Variants in FYN observed in about 807,000 individuals in gnomAD.
FYN encodes FYN proto-oncogene, Src family tyrosine kinase.
Under a neutral mutation model 70.2 loss-of-function variants are expected in FYN, and 10 were observed. That is an observed-to-expected ratio of 0.14 (90% CI 0.09 to 0.24). The LOEUF is 0.24. Among genes scored for constraint, FYN ranks in the 10% least tolerant of loss-of-function variants. The pLI, the probability that FYN is intolerant of heterozygous loss-of-function variation, is 1.00. For synonymous variants in FYN, 236 were observed against 248.6 expected (o/e 0.95, Z 0.48); for missense variants, 319 against 673.1 (o/e 0.47, Z 5.82).
At chr6:111,854,020 T>G (rs1433325207) in intron 1 of FYN, among the ~76,000 whole-genome samples, 1 of 152,190 alleles carries the variant, frequency 6.6e-6, no homozygotes, top group Non-Finnish European at 1.5e-5. Flanking sequence ...GTCCTTCCCT[T>G]TGTCTGCAAA....
chr6:111,670,187 C>A (rs1798201293), intron 13 of FYN, among the ~76,000 whole-genome samples: 1 of 152,200 alleles, frequency 6.6e-6, no homozygotes, highest in African/African-American at 2.4e-5. Flanking sequence ...GCTAGAAAGG[C>A]CTTATCTGAT....
chr6:111,837,419 T>C (rs935043943), intron 2 of FYN, among the ~76,000 whole-genome samples: 52 of 152,188 alleles, frequency 3.4e-4, no homozygotes, highest in Non-Finnish European at 2.9e-4. Flanking sequence ...ACAAAGGTTT[T>C]GTCTTCAATT....
At chr6:111,702,705 A>T in intron 8 of FYN, 180 bp downstream of exon 8, 1 of 473,090 alleles carries the variant, frequency 2.1e-6, no homozygotes. Context: ...TAATAACAAC[A>T]GTAGAACAAT....
At chr6:111,866,313 C>T (rs576154551) in intron 1 of FYN, among the ~76,000 whole-genome samples, 10 of 152,244 alleles carry the variant, frequency 6.6e-5, no homozygotes, top group African/African-American at 1.4e-4. Context: ...GGGTCAAACC[C>T]GGACCCTACC....
At chr6:111,692,657 C>T (rs1251221543) in intron 12 of FYN, among the ~76,000 whole-genome samples, 1 of 152,164 alleles carries the variant, frequency 6.6e-6, no homozygotes, top group Non-Finnish European at 1.5e-5. Context: ...GGGAAAAACT[C>T]GACTCACACA....
At chr6:111,783,038 G>A (rs1015214954) in intron 2 of FYN, among the ~76,000 whole-genome samples, 2 of 152,148 alleles carry the variant, frequency 1.3e-5, no homozygotes, top group African/African-American at 2.4e-5. Context: ...TGCTAAGCAC[G>A]CTGAGCCTGT....
intron 8 of FYN, 140 bp downstream of exon 8, chr6:111,702,745 C>G: frequency 1.4e-6 from 1 of 713,074 alleles, no homozygotes; most frequent in Non-Finnish European, 2.3e-6. Context: ...CCAAGCCCTA[C>G]CATTAAGGGC....
rs553570566 is a variant in FYN at position 111,711,849 on chromosome 6, A to T, written c.344+2498T>A. 4.6e-5 allele frequency among the ~76,000 whole-genome samples: 7 copies of T among 152,324 alleles called. No individual in the cohort carries two copies. In the South Asian group the frequency reaches 1.2e-3, roughly 27 times the overall value. ...TTCAGGATATTGTCTTGTTACACAA[A>T]CCTTATTTTTCTTTTCTATAACCTT... On this transcript the variant is annotated intron_variant, in intron 5 of 13. Coordinates refer to ENST00000354650, the MANE Select transcript of FYN (RefSeq NM_002037.5).
intron 2 of FYN, among the ~76,000 whole-genome samples, chr6:111,806,582 CA>C (rs546267580): frequency 1.2e-4 from 18 of 152,338 alleles, no homozygotes; most frequent in Middle Eastern, 3.4e-3. Flanking sequence ...CCTTCTCAGG[CA>C]ATTAGCCTCA....
chr6:111,788,186 TGTA>T (rs1771471205), intron 2 of FYN, among the ~76,000 whole-genome samples: 2 of 152,314 alleles, frequency 1.3e-5, no homozygotes, highest in South Asian at 4.1e-4. Flanking sequence ...ATACCTCTAC[TGTA>T]CAACTTTTCA....
chr6:111,762,365 G>A (rs1037439632), intron 3 of FYN, among the ~76,000 whole-genome samples: 1 of 152,110 alleles, frequency 6.6e-6, no homozygotes, highest in African/African-American at 2.4e-5. Context: ...AAGTGACTAA[G>A]TGGACCCTCC....
intron 2 of FYN, among the ~76,000 whole-genome samples, chr6:111,797,709 T>TAC (rs1351379366): frequency 1.7e-4 from 15 of 87,244 alleles, no homozygotes; most frequent in South Asian, 3.8e-4. Context: ...TATATATATA[T>TAC]ATACACACAC....
chr6:111,668,024 G>A (rs577457856), intron 13 of FYN, among the ~76,000 whole-genome samples: 3 of 152,206 alleles, frequency 2.0e-5, no homozygotes, highest in Non-Finnish European at 4.4e-5. Context: ...TGTGCATAAG[G>A]CCTTGGGTCT....
chr6:111,783,387 C>G (rs969475506), intron 2 of FYN, among the ~76,000 whole-genome samples: 4 of 152,170 alleles, frequency 2.6e-5, no homozygotes, highest in African/African-American at 9.7e-5. Flanking sequence ...GGATTTGGCA[C>G]ACTCTTTTTA....
chr6:111,729,141 T>C (rs1052149355), intron 3 of FYN, among the ~76,000 whole-genome samples: 2 of 152,142 alleles, frequency 1.3e-5, no homozygotes, highest in Non-Finnish European at 2.9e-5. Flanking sequence ...TGTAAAACCA[T>C]TTGGTAAACC....
intron 3 of FYN, among the ~76,000 whole-genome samples, chr6:111,757,858 T>C (rs763710144): frequency 2.6e-5 from 4 of 152,230 alleles, no homozygotes; most frequent in Non-Finnish European, 4.4e-5. Context: ...TCCATCGGCA[T>C]GGGGGCCTGG....
chr6:111,780,345 T>C (rs1483594157), intron 3 of FYN, among the ~76,000 whole-genome samples: 4 of 152,252 alleles, frequency 2.6e-5, no homozygotes, highest in African/African-American at 9.6e-5. Context: ...ATACACTTAT[T>C]ACGTTTTAGA....
Position 111,704,052 on chromosome 6 carries a change from G to A in FYN, c.494C>T (p.Ser165Phe). ...GRKDAERQLLSFGNPRGTFLI... is the reference protein window; with the variant it reads ...GRKDAERQLLFFGNPRGTFLI... ...AAAGGTACCTCTTGGGTTTCCAAAG[G>A]ACAATAGCTGTCGCTCAGCATCTTT... The change falls in exon 7 of 14, where the codon TCC becomes TTC. Residue 165 changes from serine to phenylalanine, a missense_variant. Ser to Phe is a radical substitution (Grantham distance 155, BLOSUM62 -2). Transcript: ENST00000354650. 6.2e-7 allele frequency: 1 copy of A among 1,614,134 alleles called. No individual in the cohort carries two copies. The highest frequency in any genetic ancestry group is 8.5e-7 in the Non-Finnish European group (1 of 1,180,018).
intron 2 of FYN, among the ~76,000 whole-genome samples, chr6:111,815,184 T>G (rs1417471972): frequency 6.6e-6 from 1 of 152,150 alleles, no homozygotes; most frequent in Non-Finnish European, 1.5e-5. Flanking sequence ...ATTCAGGCAG[T>G]TCATATTCGG....
Sources: gnomAD v4.1 joint callset for allele counts (sites outside exome capture counted in the v4.1 genomes callset) on GRCh38, gnomAD v4.1.1 for gene constraint, MANE v1.5 for transcripts, NCBI Gene and HGNC (gene_info 2026-07-23, HGNC 2026-07-21) for gene names.